The following KIAA1549L variants were observed in gnomAD, a reference collection of about 807,000 sequenced individuals.
KIAA1549L encodes KIAA1549 like, also known as UPF0606 protein KIAA1549L.
In KIAA1549L, 88 loss-of-function variants were observed where a neutral mutation model predicts 160.7. The observed-to-expected ratio is 0.55, with a 90% CI of 0.46 to 0.65. The LOEUF (loss-of-function observed/expected upper bound fraction) is 0.65, where lower values mean the gene tolerates loss of function less well. Ranked by LOEUF, KIAA1549L falls within the 30% of genes least tolerant of loss-of-function variation. The probability of loss-of-function intolerance (pLI) is 0.00; values close to 1 mark genes in which losing one functional copy is unlikely to be tolerated. For synonymous variants in KIAA1549L, 950 were observed against 976.7 expected (o/e 0.97, Z 0.51); for missense variants, 2,258 against 2,437.5 (o/e 0.93, Z 1.55).
In KIAA1549L at chr11:33,481,618, C is replaced by T. The variant is rs570229567; in HGVS notation, c.239-60184C>T. Among the ~76,000 whole-genome samples, 3 of 152,164 alleles carry T rather than the reference C, an allele frequency of 2.0e-5. No homozygotes were observed. In the South Asian group the frequency reaches 6.2e-4, roughly 32 times the overall value. On this transcript the variant is annotated intron_variant, in intron 1 of 20. Transcript: ENST00000658780. ...TTTTGTTTCTGGAATATATACCAGC[C>T]CAGGGATGCTTGCTTTTAATACAGC...
At chr11:33,508,617 A>T (rs1378435633) in intron 1 of KIAA1549L, among the ~76,000 whole-genome samples, 1 of 152,196 alleles carries the variant, frequency 6.6e-6, no homozygotes, top group African/African-American at 2.4e-5. Context: ...CATGACCCAA[A>T]TATAGTTCAC....
At chr11:33,663,497 T>C (rs1590464161) in intron 20 of KIAA1549L, among the ~76,000 whole-genome samples, 1 of 152,336 alleles carries the variant, frequency 6.6e-6, no homozygotes, top group Middle Eastern at 3.4e-3. Flanking sequence ...GCCCTGAGGA[T>C]ACTCCAGTGG....
intron 1 of KIAA1549L, among the ~76,000 whole-genome samples, chr11:33,453,887 C>T (rs1321636531): frequency 6.6e-6 from 1 of 152,128 alleles, no homozygotes; most frequent in Non-Finnish European, 1.5e-5. Context: ...TCCAGTTGCA[C>T]CCTTCCAGGT....
chr11:33,453,325 A>G (rs982593356), intron 1 of KIAA1549L, among the ~76,000 whole-genome samples: 2 of 152,182 alleles, frequency 1.3e-5, no homozygotes, highest in Non-Finnish European at 2.9e-5. Context: ...ATGACTGACT[A>G]GGGTAGGGAA....
chr11:33,616,149 C>A (rs541504174), intron 15 of KIAA1549L, among the ~76,000 whole-genome samples: 30 of 152,278 alleles, frequency 2.0e-4, no homozygotes, highest in African/African-American at 7.2e-4. Flanking sequence ...ATTGAAAGGT[C>A]CAGGCTTCGG....
chr11:33,400,391 C>G (rs532585828), intron 1 of KIAA1549L, among the ~76,000 whole-genome samples: 1 of 152,256 alleles, frequency 6.6e-6, no homozygotes, highest in Admixed American at 6.5e-5. Flanking sequence ...ATCCACTTTA[C>G]CCTGGGTTAC....
chr11:33,464,194 C>T (rs577264832), intron 1 of KIAA1549L, among the ~76,000 whole-genome samples: 16 of 152,270 alleles, frequency 1.1e-4, no homozygotes, highest in African/African-American at 3.6e-4. Flanking sequence ...CAGCCTGGTT[C>T]CAAAGATCAT....
intron 1 of KIAA1549L, among the ~76,000 whole-genome samples, chr11:33,484,915 G>A (rs1852489525): frequency 1.3e-5 from 2 of 152,158 alleles, no homozygotes; most frequent in Non-Finnish European, 2.9e-5. Flanking sequence ...CACCATGCTG[G>A]TATTCTAATC....
At chr11:33,580,025 C>T (rs1855581829) in intron 10 of KIAA1549L, among the ~76,000 whole-genome samples, 1 of 152,144 alleles carries the variant, frequency 6.6e-6, no homozygotes, top group African/African-American at 2.4e-5. Context: ...GTTCCAGAGC[C>T]TTCTAAATCA....
At chr11:33,582,220 G>T (rs951255232) in intron 10 of KIAA1549L, among the ~76,000 whole-genome samples, 22 of 152,188 alleles carry the variant, frequency 1.4e-4, no homozygotes, top group African/African-American at 5.1e-4. Flanking sequence ...AAGCTCTTCT[G>T]TACTAATAGT....
rs189040207 is a variant in KIAA1549L at position 33,507,328 on chromosome 11, G to A, written c.239-34474G>A. ...CATGATATAAAAGCTTAAGATTAGT[G>A]GATACAGCAAAGCCAGAGTTTTGCA... On this transcript the variant is annotated intron_variant, in intron 1 of 20. Coordinates refer to ENST00000658780, the MANE Select transcript of KIAA1549L (RefSeq NM_012194.3). Among the ~76,000 whole-genome samples, 4 of 152,230 alleles carry A rather than the reference G, an allele frequency of 2.6e-5. No homozygotes were observed. In the East Asian group the frequency reaches 7.7e-4, roughly 29 times the overall value.
At chr11:33,397,708 TCTCACACACACACA>T (rs1357328395) in intron 1 of KIAA1549L, among the ~76,000 whole-genome samples, 88 of 98,950 alleles carry the variant, frequency 8.9e-4, no homozygotes, top group African/African-American at 2.8e-3. Flanking sequence ...CGAGACTCCA[TCTCACACACACACA>T]CACACACACA....
At chr11:33,445,075 C>T (rs1851584023) in intron 1 of KIAA1549L, among the ~76,000 whole-genome samples, 2 of 152,328 alleles carry the variant, frequency 1.3e-5, no homozygotes, top group South Asian at 4.1e-4. Context: ...TGTTTTCCCA[C>T]AATGGAGAGC....
At chr11:33,594,753 C>T (rs1328359059) in intron 12 of KIAA1549L, among the ~76,000 whole-genome samples, 1 of 152,180 alleles carries the variant, frequency 6.6e-6, no homozygotes, top group African/African-American at 2.4e-5. Context: ...GATGTACAAA[C>T]AAATTAGGAC....
At chr11:33,506,961 G>T (rs1377524564) in intron 1 of KIAA1549L, among the ~76,000 whole-genome samples, 1 of 152,170 alleles carries the variant, frequency 6.6e-6, no homozygotes, top group African/African-American at 2.4e-5. Context: ...CTTAGGAAGA[G>T]TCCCAGGTTT....
chr11:33,621,108 G>A (rs748367183), intron 16 of KIAA1549L, among the ~76,000 whole-genome samples: 27 of 152,230 alleles, frequency 1.8e-4, no homozygotes, highest in South Asian at 4.1e-4. Flanking sequence ...TTAATTTTAC[G>A]TTTTTTGAAA....
intron 1 of KIAA1549L, among the ~76,000 whole-genome samples, chr11:33,473,008 C>A (rs1337395755): frequency 1.3e-5 from 2 of 152,148 alleles, no homozygotes; most frequent in African/African-American, 4.8e-5. Context: ...TGACCAAACC[C>A]AGAGCCCAGT....
chr11:33,595,945 G>T (rs1467205640), intron 12 of KIAA1549L, among the ~76,000 whole-genome samples: 1 of 152,112 alleles, frequency 6.6e-6, no homozygotes, highest in Non-Finnish European at 1.5e-5. Context: ...CTCCAGTGTA[G>T]GGTCTTGGTG....
chr11:33,601,020 C>T (rs913148375), intron 13 of KIAA1549L, among the ~76,000 whole-genome samples: 1 of 152,108 alleles, frequency 6.6e-6, no homozygotes, highest in Non-Finnish European at 1.5e-5. Context: ...GCCCTCTCCT[C>T]CTGCCTCTTT....
Sources: gnomAD v4.1 joint callset for allele counts (sites outside exome capture counted in the v4.1 genomes callset) on GRCh38, gnomAD v4.1.1 for gene constraint, MANE v1.5 for transcripts, NCBI Gene and HGNC (gene_info 2026-07-23, HGNC 2026-07-21) for gene names.